The following LRRC4C variants were observed in gnomAD, a reference collection of about 807,000 sequenced individuals.
LRRC4C encodes the protein leucine rich repeat containing 4C, also known as leucine-rich repeat-containing protein 4C.
A neutral mutation model predicts 33.6 loss-of-function variants in LRRC4C; 5 were observed. The observed-to-expected ratio is 0.15, with a 90% CI of 0.08 to 0.31. LRRC4C has a LOEUF of 0.31. LRRC4C is among the 10% of genes least tolerant of loss of function. The pLI is 1.00. For synonymous variants in LRRC4C, 329 were observed against 302.0 expected (o/e 1.09, Z -0.93); for missense variants, 560 against 796.7 (o/e 0.70, Z 3.58).
chr11:40,648,832 A>C (rs1942619578), intron 2 of LRRC4C, among the ~76,000 whole-genome samples: 1 of 152,184 alleles, frequency 6.6e-6, no homozygotes, highest in Non-Finnish European at 1.5e-5. Context: ...AGTGTCAGCC[A>C]GCTGAGAAAT....
chr11:41,145,078 T>C (rs1344855158), intron 1 of LRRC4C, among the ~76,000 whole-genome samples: 1 of 152,176 alleles, frequency 6.6e-6, no homozygotes, highest in Non-Finnish European at 1.5e-5. Context: ...AAAATAAGCA[T>C]ACGTAATACA....
chr11:40,272,951 G>C (rs949495695), intron 4 of LRRC4C, among the ~76,000 whole-genome samples: 6 of 150,730 alleles, frequency 4.0e-5, no homozygotes, highest in Non-Finnish European at 8.9e-5. Context: ...ACTCAAAATA[G>C]TGACTTAAGA....
At chr11:41,134,726 C>A (rs1362729950) in intron 1 of LRRC4C, among the ~76,000 whole-genome samples, 2 of 152,058 alleles carry the variant, frequency 1.3e-5, no homozygotes, top group Non-Finnish European at 2.9e-5. Context: ...TCCACTGTGA[C>A]CTCATTTTAA....
chr11:40,728,848 G>A (rs1947420956), intron 2 of LRRC4C, among the ~76,000 whole-genome samples: 1 of 151,962 alleles, frequency 6.6e-6, no homozygotes, highest in Admixed American at 6.6e-5. Context: ...GGATGCAGCG[G>A]GAGGTCATTA....
At chr11:40,201,056 G>T (rs34797964) in intron 5 of LRRC4C, among the ~76,000 whole-genome samples, 2 of 152,092 alleles carry the variant, frequency 1.3e-5, no homozygotes, top group African/African-American at 4.8e-5. Flanking sequence ...GCATGCTCAT[G>T]TGCACATGCA....
intron 4 of LRRC4C, among the ~76,000 whole-genome samples, chr11:40,252,634 T>C (rs887617726): frequency 6.6e-6 from 1 of 152,206 alleles, no homozygotes; most frequent in Non-Finnish European, 1.5e-5. Flanking sequence ...ACCCACAGGA[T>C]GGCAAAGATT....
chr11:40,291,013 T>C (rs1944157387), intron 4 of LRRC4C, among the ~76,000 whole-genome samples: 1 of 152,156 alleles, frequency 6.6e-6, no homozygotes, highest in Non-Finnish European at 1.5e-5. Flanking sequence ...GAGTCACCTG[T>C]CTCATGCTGT....
chr11:40,330,112 T>G (rs1342805636), intron 3 of LRRC4C, among the ~76,000 whole-genome samples: 1 of 152,118 alleles, frequency 6.6e-6, no homozygotes, highest in African/African-American at 2.4e-5. Flanking sequence ...GGTGTTAAAT[T>G]AATGACGAAG....
At chr11:40,136,506 G>C (rs2134896237) in intron 6 of LRRC4C, among the ~76,000 whole-genome samples, 1 of 149,242 alleles carries the variant, frequency 6.7e-6, no homozygotes, top group South Asian at 2.1e-4. Flanking sequence ...TCGATCTCCT[G>C]ACCTCGTGAC....
At chr11:40,903,593 T>C (rs1243097401) in intron 2 of LRRC4C, among the ~76,000 whole-genome samples, 1 of 152,172 alleles carries the variant, frequency 6.6e-6, no homozygotes, top group Non-Finnish European at 1.5e-5. Context: ...TTGAGAACAA[T>C]TGTGATTCAT....
chr11:40,609,955 C>A (rs1351618909), intron 3 of LRRC4C, among the ~76,000 whole-genome samples: 1 of 151,924 alleles, frequency 6.6e-6, no homozygotes, highest in African/African-American at 2.4e-5. Context: ...GTGAATTCTA[C>A]CAAACATTTA....
At chr11:41,199,609 G>C (rs1016465859) in intron 1 of LRRC4C, among the ~76,000 whole-genome samples, 1 of 152,046 alleles carries the variant, frequency 6.6e-6, no homozygotes, top group Non-Finnish European at 1.5e-5. Flanking sequence ...CTTTGGCTGC[G>C]ATATCTGCTA....
At chr11:40,821,691 A>G (rs985975715) in intron 2 of LRRC4C, among the ~76,000 whole-genome samples, 5 of 151,632 alleles carry the variant, frequency 3.3e-5, no homozygotes, top group African/African-American at 1.2e-4. Context: ...AGCATTTTCA[A>G]ACAAGATCAT....
In LRRC4C at chr11:40,703,414, TA is replaced by T. The variant is rs746082408; in HGVS notation, c.-406-55137del. 7.4e-4 allele frequency among the ~76,000 whole-genome samples: 113 copies of T among 152,142 alleles called. 1 individual carries two copies. The highest frequency in any genetic ancestry group is 2.3e-3 in the African/African-American group (96 of 41,522). On this transcript the variant is annotated intron_variant, in intron 2 of 6. Transcript: ENST00000528697. ...GCAAAACCACGTCTCTACAAAAATA[TA>T]AAAAATATAAAAAATTAGCTGAATG...
rs1049116984 is a variant in LRRC4C, at chr11:41,018,795, G to T, written c.-495-85072C>A. 8.5e-5 allele frequency among the ~76,000 whole-genome samples: 13 copies of T among 152,108 alleles called. No homozygotes were observed. In the East Asian group the frequency reaches 2.5e-3, roughly 29 times the overall value. ...TGACTCTGCGTGGTGGTGAATGCTA[G>T]GAGCTTGTTGCCACCCTAAGCTAAG... On this transcript the variant is annotated intron_variant, in intron 1 of 6. Transcript: ENST00000528697.
rs138030981 is a variant in LRRC4C, at chr11:40,144,503, G to C, written c.-95-3650C>G. ...ATAAAACAAGGTGATAATCCTCCTTGATCTTTTACATAGCACTTTGTTGAA... is the reference window on the plus strand; with the variant it reads ...ATAAAACAAGGTGATAATCCTCCTTCATCTTTTACATAGCACTTTGTTGAA... On this transcript the variant is annotated intron_variant, in intron 5 of 6. Transcript: ENST00000528697. Among the ~76,000 whole-genome samples the C allele has an allele frequency of 1.0e-3, 153 of 152,248 alleles. 5 individuals are homozygous for C. The East Asian group carries it at 0.025, about 25-fold the overall frequency.
intron 2 of LRRC4C, among the ~76,000 whole-genome samples, chr11:40,734,282 G>C (rs1051715169): frequency 1.3e-5 from 2 of 152,126 alleles, no homozygotes; most frequent in Non-Finnish European, 2.9e-5. Context: ...TATGGAATTT[G>C]ACAGTGACAA....
At chr11:40,208,860 C>T (rs1168863309) in intron 5 of LRRC4C, among the ~76,000 whole-genome samples, 1 of 151,962 alleles carries the variant, frequency 6.6e-6, no homozygotes, top group Non-Finnish European at 1.5e-5. Flanking sequence ...TCACCGACTT[C>T]AACTCGGTAG....
intron 1 of LRRC4C, among the ~76,000 whole-genome samples, chr11:41,432,666 A>T (rs1462902531): frequency 6.6e-6 from 1 of 152,104 alleles, no homozygotes; most frequent in Non-Finnish European, 1.5e-5. Flanking sequence ...ACACACATGC[A>T]CAGGCACACA....
Sources: allele counts gnomAD v4.1 joint callset (sites outside exome capture counted in the v4.1 genomes callset), GRCh38; gene constraint gnomAD v4.1.1; transcripts MANE v1.5; gene names NCBI Gene and HGNC (gene_info 2026-07-23, HGNC 2026-07-21).